The following RAPGEFL1 variants were observed in gnomAD, a reference collection of about 807,000 sequenced individuals.
RAPGEFL1 encodes the protein Rap guanine nucleotide exchange factor like 1.
RAPGEFL1 carries 31 observed loss-of-function variants against 64.4 expected under a neutral mutation model. That is an observed-to-expected ratio of 0.48 (90% confidence interval 0.36 to 0.65). The LOEUF is 0.65. Among genes scored for constraint, RAPGEFL1 ranks in the 30% least tolerant of loss-of-function variants. RAPGEFL1 has a pLI of 0.00. For synonymous variants in RAPGEFL1, 331 were observed against 274.1 expected (o/e 1.21, Z -2.05); for missense variants, 682 against 677.4 (o/e 1.01, Z -0.08).
In RAPGEFL1 at chr17:40,184,585, T is replaced by C; in HGVS notation, c.740T>C (p.Leu247Pro). 3 of 1,535,084 alleles carry C rather than the reference T, an allele frequency of 2.0e-6. No individual in the cohort carries two copies. Among genetic ancestry groups the C allele is most frequent in the East Asian group, 2.3e-5 (1 of 43,732 alleles). ...EEGAGHIIKD[L>P]YLLIMKDESL... ...TCTTTGTCCTCCTCTCTCCAGGATC[T>C]ATACCTGCTAATTATGAAGGACGAG... Residue 247 changes from leucine to proline, a missense_variant, in exon 4 of 15, where the codon CTA becomes CCA. This residue lies in a region of RAPGEFL1 where 271 missense variants were observed against 158.0 expected (regional missense o/e 1.72). Transcript: ENST00000620260.
intron 4 of RAPGEFL1, among the ~76,000 whole-genome samples, chr17:40,187,065 C>T (rs1405401040): frequency 6.6e-6 from 1 of 151,966 alleles, no homozygotes; most frequent in Non-Finnish European, 1.5e-5. Flanking sequence ...ACCTTGGCCT[C>T]CCAGAGTGTT....
chr17:40,189,880 G>A (rs567071220), intron 6 of RAPGEFL1, among the ~76,000 whole-genome samples: 110 of 151,948 alleles, frequency 7.2e-4, no homozygotes, highest in African/African-American at 2.3e-3. Context: ...CACTTGAACC[G>A]CGGAGGCGGA....
At chr17:40,185,896 G>GCA (rs1256785074) in intron 4 of RAPGEFL1, among the ~76,000 whole-genome samples, 1 of 150,218 alleles carries the variant, frequency 6.7e-6, no homozygotes. Context: ...CCCAGGAGAT[G>GCA]GAGGTTGCAG....
intron 2 of RAPGEFL1, among the ~76,000 whole-genome samples, chr17:40,183,180 C>T (rs1356237572): frequency 6.6e-6 from 1 of 150,852 alleles, no homozygotes; most frequent in Non-Finnish European, 1.5e-5. Flanking sequence ...ATAAAAGTAA[C>T]AAGCTGTCTT....
chr17:40,185,346 C>T (rs975030313), intron 4 of RAPGEFL1, among the ~76,000 whole-genome samples: 4 of 152,042 alleles, frequency 2.6e-5, no homozygotes, highest in Non-Finnish European at 4.4e-5. Flanking sequence ...GCAGCACAGG[C>T]TGTTATGTAG....
Position 40,191,373 on chromosome 17 carries a change from T to A in RAPGEFL1, c.1393T>A (p.Leu465Met). 1 of 1,597,702 alleles carries A rather than the reference T, an allele frequency of 6.3e-7. No homozygotes were observed. ...GCGCGGCCGCCGGGAGACGGCCAAC[T>A]TGGAGCTGCTGCTGCAGCGCTGCAG... Reference protein sequence around the residue: ...GERGRRETANLELLLQRCSEV... With the variant: ...GERGRRETANMELLLQRCSEV... The change falls in exon 9 of 15, where the codon TTG becomes ATG. Residue 465 changes from leucine to methionine, a missense_variant. Physicochemically the swap from Leu to Met is conservative, Grantham distance 15 (BLOSUM62 2). Around this residue, in one of 2 missense-constraint regions of RAPGEFL1, gnomAD observed 411 missense variants for 519.4 expected, o/e 0.79. Transcript: ENST00000620260. The surrounding 1 kb of genome is among the most constrained non-coding windows in gnomAD (Gnocchi z 5.1).
intron 2 of RAPGEFL1, among the ~76,000 whole-genome samples, chr17:40,182,038 G>A (rs1300360600): frequency 1.3e-5 from 2 of 151,722 alleles, no homozygotes; most frequent in African/African-American, 4.8e-5. Context: ...AGCCGAGATC[G>A]CGTCACTACA....
rs751379495 is a variant in RAPGEFL1, at chr17:40,192,274, T to G, written c.1656+11T>G. 1.2e-6 allele frequency: 2 copies of G among 1,613,524 alleles called. No homozygotes were observed. Among genetic ancestry groups the G allele is most frequent in the South Asian group, 2.2e-5 (2 of 91,066 alleles). ...TTTGAGAACCTGACGGTGAGTGGGT[T>G]TGGCTCTTTCTTCTGCTCTTGGACT... On this transcript the variant is annotated intron_variant, in intron 11 of 14. Coordinates refer to ENST00000620260, the MANE Select transcript of RAPGEFL1 (RefSeq NM_016339.6).
chr17:40,192,920 C>T lies in RAPGEFL1; in HGVS notation c.1745-6C>T, dbSNP rs1229734392. 1 of 1,610,488 alleles carries T rather than the reference C, an allele frequency of 6.2e-7. No homozygotes were observed. Among genetic ancestry groups the T allele is most frequent in the Non-Finnish European group, 8.5e-7 (1 of 1,176,680 alleles). On this transcript the variant is annotated splice_polypyrimidine_tract_variant and splice_region_variant and intron_variant, in intron 12 of 14. Coordinates refer to ENST00000620260, the MANE Select transcript of RAPGEFL1 (RefSeq NM_016339.6). Reference sequence around the variant, plus strand: ...CCTCACATTGGATTCTCTCCACATCCCCTAGACCTGACTTTCCTGCACGAA... The same window carrying T: ...CCTCACATTGGATTCTCTCCACATCTCCTAGACCTGACTTTCCTGCACGAA...
At chr17:40,177,345 G>C, upstream of RAPGEFL1, 1 of 693,962 alleles carries the variant, frequency 1.4e-6, no homozygotes, top group Non-Finnish European at 2.6e-6. Flanking sequence ...GTCCCTTACT[G>C]TTTCCCTCGC....
At chr17:40,184,800 G>A (rs1990012605) in intron 4 of RAPGEFL1, 122 bp downstream of exon 4, 2 of 650,566 alleles carry the variant, frequency 3.1e-6, no homozygotes, top group Non-Finnish European at 5.2e-6. Context: ...TTTGTTTTGA[G>A]ACAGAGTCTC....
rs1341652230 is a variant in RAPGEFL1 at position 40,190,771 on chromosome 17, C to T, written c.1335+9C>T. 5 of 1,613,884 alleles carry T rather than the reference C, an allele frequency of 3.1e-6. No individual in the cohort carries two copies. Among genetic ancestry groups the T allele is most frequent in the Non-Finnish European group, 2.5e-6 (3 of 1,179,910 alleles). Reference sequence around the variant, plus strand: ...TCCGATGTGTGCATGAGGTGGGGACCGAGGCTGGTGCTATGCTGGGGGGCT... The same window carrying T: ...TCCGATGTGTGCATGAGGTGGGGACTGAGGCTGGTGCTATGCTGGGGGGCT... On this transcript the variant is annotated intron_variant, in intron 8 of 14. Coordinates refer to ENST00000620260, the MANE Select transcript of RAPGEFL1 (RefSeq NM_016339.6).
intron 4 of RAPGEFL1, chr17:40,188,511 TACTC>T: frequency 6.6e-6 from 2 of 302,008 alleles, no homozygotes; most frequent in South Asian, 6.3e-5. Context: ...GATGAAAAGA[TACTC>T]AGTAAGAACC....
rs1274313239 is a variant in RAPGEFL1, at chr17:40,191,521, G to GGGCAGGA, written c.1514+30_1514+31insAGGAGGC. 6.3e-7 allele frequency: 1 copy of GGGCAGGA among 1,581,676 alleles called. No individual in the cohort carries two copies. The stretch of plus-strand genomic sequence containing the variant: ...TGAGTGCGGCCGTCGGCGGGATGGG[G>GGGCAGGA]GGCCGGAGGCCGGAGGCCCGCGCCG... On this transcript the variant is annotated intron_variant, in intron 9 of 14. Transcript: ENST00000620260. The surrounding 1 kb of genome is among the most constrained non-coding windows in gnomAD (Gnocchi z 5.1).
chr17:40,184,732 C>T lies in RAPGEFL1; in HGVS notation c.833+54C>T, dbSNP rs543850983. 11 of 1,110,386 alleles carry T rather than the reference C, an allele frequency of 9.9e-6. No individual in the cohort carries two copies. The East Asian group carries it at 2.6e-4, about 26-fold the overall frequency. 68.8% of individuals were successfully genotyped at this position (1,110,386 alleles called of 1,614,324 possible). A position where few individuals can be genotyped will look rare whatever the true frequency, so the allele number is the denominator to read the frequency against. On this transcript the variant is annotated intron_variant, in intron 4 of 14. Transcript: ENST00000620260. ...CAGGAAAGTGGTCCCCTGCGTTCCT[C>T]TACTACAGGGGCTGCCTCTGGCCTA...
intron 8 of RAPGEFL1, 124 bp downstream of exon 8, chr17:40,190,886 TGGC>T: frequency 6.9e-7 from 1 of 1,443,272 alleles, no homozygotes; most frequent in Non-Finnish European, 9.4e-7. Flanking sequence ...GGGCAACGCA[TGGC>T]CGTAACCTTT....
At chr17:40,178,417 G>C (rs1356959295) in intron 1 of RAPGEFL1, 36 bp downstream of exon 1, 1 of 476,120 alleles carries the variant, frequency 2.1e-6, no homozygotes, top group Non-Finnish European at 3.7e-6. Flanking sequence ...CCAGAGCAGG[G>C]GCTGGCCCCG....
At chr17:40,177,395 G>A (rs1219151690), upstream of RAPGEFL1, 4 of 698,042 alleles carry the variant, frequency 5.7e-6, no homozygotes, top group Middle Eastern at 2.4e-4. Flanking sequence ...CGTGCGGCGC[G>A]GGGGCGAGCC....
In RAPGEFL1 at chr17:40,191,735, C is replaced by T; in HGVS notation, c.1605+63C>T. The T allele has an allele frequency of 1.3e-6, 2 of 1,506,302 alleles. No individual in the cohort carries two copies. Among genetic ancestry groups the T allele is most frequent in the Non-Finnish European group, 1.8e-6 (2 of 1,101,404 alleles). The allele number at this position is 1,506,302 out of a possible 1,614,324, so 93.3% of individuals were successfully genotyped here. A position where few individuals can be genotyped will look rare whatever the true frequency, so the allele number is the denominator to read the frequency against. On this transcript the variant is annotated intron_variant, in intron 10 of 14. Coordinates refer to ENST00000620260, the MANE Select transcript of RAPGEFL1 (RefSeq NM_016339.6). The surrounding 1 kb of genome is among the most constrained non-coding windows in gnomAD (Gnocchi z 5.1). ...GCATCCCGGGCTCCCCGAAGTGCGT[C>T]CTCCCGGGACGGCCGCCGGCCTGGA...
Sources: allele counts gnomAD v4.1 joint callset (sites outside exome capture counted in the v4.1 genomes callset), GRCh38; gene constraint gnomAD v4.1.1; regional missense constraint gnomAD v4.1.1; non-coding constraint Gnocchi (gnomAD v3.1); transcripts MANE v1.5; gene names NCBI Gene and HGNC (gene_info 2026-07-23, HGNC 2026-07-21).